TIPIN: variants seen among roughly 807,000 people sequenced by gnomAD.
TIPIN encodes TIMELESS-interacting protein.
A neutral mutation model predicts 35.6 loss-of-function variants in TIPIN; 29 were observed. The observed-to-expected ratio is 0.82, with a 90% confidence interval of 0.61 to 1.11. The LOEUF is 1.11. TIPIN is among the 50% of genes most tolerant of loss of function. The pLI, the probability that TIPIN is intolerant of heterozygous loss-of-function variation, is 0.00. For synonymous variants in TIPIN, 102 were observed against 121.5 expected (o/e 0.84, Z 1.06); for missense variants, 296 against 345.4 (o/e 0.86, Z 1.13).
chr15:66,384,106 C>T (rs2093328035), intron 1 of TIPIN, among the ~76,000 whole-genome samples: 1 of 151,356 alleles, frequency 6.6e-6, no homozygotes, highest in Non-Finnish European at 1.5e-5. Context: ...ACACCATTCT[C>T]CTGCCTCAGC....
In TIPIN at chr15:66,351,741, G is replaced by A. The variant is rs572096948; in HGVS notation, c.213-141C>T. On this transcript the variant is annotated intron_variant, in intron 3 of 7. Coordinates refer to ENST00000261881, the MANE Select transcript of TIPIN (RefSeq NM_017858.3). ...CAAGCTCGGCCTCCCCCAGGTTCACGTCATTCTCCTGCCTCAGCCTCCCAA... is the reference window on the plus strand; with the variant it reads ...CAAGCTCGGCCTCCCCCAGGTTCACATCATTCTCCTGCCTCAGCCTCCCAA... 632 of 658,788 alleles carry A rather than the reference G, an allele frequency of 9.6e-4. 2 individuals carry two copies. The African/African-American group carries it at 0.011, about 11-fold the overall frequency. The allele number at this position is 658,788 out of a possible 1,614,324, so 40.8% of individuals were successfully genotyped here. A position where few individuals can be genotyped will look rare whatever the true frequency, so the allele number is the denominator to read the frequency against.
upstream of TIPIN, among the ~76,000 whole-genome samples, chr15:66,358,737 A>G (rs995264433): frequency 6.6e-6 from 1 of 151,990 alleles, no homozygotes; most frequent in Non-Finnish European, 1.5e-5. Context: ...AGCTTGAAAC[A>G]TTTTATTAAA....
rs995269964 is a variant in TIPIN at position 66,336,274 on chromosome 15, C to G, written c.*684G>C. On this transcript the variant is annotated 3_prime_UTR_variant, in exon 8 of 8. Coordinates refer to ENST00000261881, the MANE Select transcript of TIPIN (RefSeq NM_017858.3). Reference sequence around the variant, plus strand: ...TGTACATCTCAAAACTTCACCCAGGCTGGGCGCGGTGGCTCACACCTGTAA... The same window carrying G: ...TGTACATCTCAAAACTTCACCCAGGGTGGGCGCGGTGGCTCACACCTGTAA... 6.6e-6 allele frequency: 1 copy of G among 152,288 alleles called. No homozygotes were observed. The highest frequency in any genetic ancestry group is 2.1e-4 in the South Asian group (1 of 4,836). The allele number at this position is 152,288 out of a possible 1,614,324, so 9.4% of individuals were successfully genotyped here. A position where few individuals can be genotyped will look rare whatever the true frequency, so the allele number is the denominator to read the frequency against.
intron 1 of TIPIN, among the ~76,000 whole-genome samples, chr15:66,353,576 A>G (rs2093183371): frequency 6.6e-6 from 1 of 151,210 alleles, no homozygotes; most frequent in Non-Finnish European, 1.5e-5. Flanking sequence ...AGATGCCGCC[A>G]CTGCACTCCA....
chr15:66,367,222 ATATCTG>A, intron 1 of TIPIN, among the ~76,000 whole-genome samples: 1 of 148,092 alleles, frequency 6.8e-6, no homozygotes. Context: ...ATCTATATCT[ATATCTG>A]TATCTATATC....
At chr15:66,371,260 T>G (rs999000489) in intron 1 of TIPIN, 3 of 984,908 alleles carry the variant, frequency 3.0e-6, no homozygotes, top group Non-Finnish European at 3.6e-6. Context: ...TGTTGTATAC[T>G]TTTCTGGTCT....
At chr15:66,385,297 T>C (rs896952501) in intron 1 of TIPIN, among the ~76,000 whole-genome samples, 4 of 152,198 alleles carry the variant, frequency 2.6e-5, no homozygotes, top group African/African-American at 9.7e-5. Context: ...TAACCAGGTG[T>C]AGATGTTTCC....
At position 66,347,347 on chromosome 15, in the gene TIPIN, G is replaced by T. The variant is rs567218308; in HGVS notation, c.475+1713C>A. 2.2e-4 allele frequency: 109 copies of T among 505,924 alleles called. 2 individuals are homozygous for T. Among genetic ancestry groups the T allele is most frequent in the South Asian group, 1.3e-3 (93 of 69,260 alleles). The allele number at this position is 505,924 out of a possible 1,614,324, so 31.3% of individuals were successfully genotyped here. A position where few individuals can be genotyped will look rare whatever the true frequency, so the allele number is the denominator to read the frequency against. ...ATCAATACCAGGAACAGTCACAAAG[G>T]TCTCACTAAAGTCCTATATCCGAGA... On this transcript the variant is annotated intron_variant, in intron 6 of 7. Transcript: ENST00000261881.
chr15:66,344,442 G>A (rs1034254918), intron 6 of TIPIN, among the ~76,000 whole-genome samples: 8 of 150,618 alleles, frequency 5.3e-5, no homozygotes, highest in Admixed American at 2.0e-4. Flanking sequence ...AAAAAAAAAA[G>A]CAAAAAACTA....
intron 1 of TIPIN, among the ~76,000 whole-genome samples, chr15:66,361,920 A>G (rs1282968706): frequency 4.6e-5 from 7 of 152,094 alleles, no homozygotes; most frequent in Non-Finnish European, 1.5e-5. Flanking sequence ...GGGGGGATGC[A>G]GTGAGCCGAG....
intron 1 of TIPIN, among the ~76,000 whole-genome samples, chr15:66,367,841 T>G (rs1049393301): frequency 2.0e-5 from 3 of 150,134 alleles, no homozygotes; most frequent in African/African-American, 4.9e-5. Flanking sequence ...TTGTTTTTGT[T>G]TTTTTTTTTT....
chr15:66,364,034 C>A (rs944192822), intron 1 of TIPIN, among the ~76,000 whole-genome samples: 5 of 151,826 alleles, frequency 3.3e-5, no homozygotes, highest in African/African-American at 1.2e-4. Context: ...AGGGATCCAC[C>A]CCCATGACCC....
intron 1 of TIPIN, among the ~76,000 whole-genome samples, chr15:66,355,308 C>G (rs986128574): frequency 6.6e-6 from 1 of 151,376 alleles, no homozygotes; most frequent in African/African-American, 2.4e-5. Context: ...GCTGGGATTA[C>G]AGGCGTGAGC....
chr15:66,368,356 C>CA (rs34733805), intron 1 of TIPIN, among the ~76,000 whole-genome samples: 19,132 of 123,658 alleles, frequency 0.15, 1,286 homozygotes, highest in Non-Finnish European at 0.17. Context: ...CTCATCTTTA[C>CA]AAAAAAAAAA....
chr15:66,339,236 T>C (rs2140438358), intron 7 of TIPIN, among the ~76,000 whole-genome samples: 1 of 151,392 alleles, frequency 6.6e-6, no homozygotes, highest in Non-Finnish European at 1.5e-5. Context: ...GTTAATATAT[T>C]GGGTGAAACT....
At chr15:66,381,306 C>T (rs1004965220) in intron 1 of TIPIN, among the ~76,000 whole-genome samples, 6 of 152,026 alleles carry the variant, frequency 3.9e-5, no homozygotes, top group East Asian at 1.9e-4. Context: ...AGCGTGGTGG[C>T]GGGCGCCTGT....
At chr15:66,381,599 TTG>T (rs763028848) in intron 1 of TIPIN, among the ~76,000 whole-genome samples, 1 of 152,186 alleles carries the variant, frequency 6.6e-6, no homozygotes, top group African/African-American at 2.4e-5. Context: ...TTCTCTTCTG[TTG>T]AATATTTAGG....
intron 6 of TIPIN, among the ~76,000 whole-genome samples, chr15:66,342,644 G>A (rs1156617874): frequency 1.3e-5 from 2 of 152,164 alleles, no homozygotes; most frequent in African/African-American, 2.4e-5. Flanking sequence ...GATTACAAGC[G>A]TGAGCCAATG....
intron 1 of TIPIN, chr15:66,366,778 A>T: frequency 2.1e-6 from 2 of 961,042 alleles, no homozygotes; most frequent in Non-Finnish European, 2.5e-6. Context: ...AAAAAAAAAA[A>T]AAAAGAAAGA....
Sources: allele counts gnomAD v4.1 joint callset (sites outside exome capture counted in the v4.1 genomes callset), GRCh38; gene constraint gnomAD v4.1.1; transcripts MANE v1.5; gene names NCBI Gene and HGNC (gene_info 2026-07-23, HGNC 2026-07-21).